TMEM272: variants seen among roughly 807,000 people sequenced by gnomAD.
TMEM272 encodes the protein transmembrane protein 272, also known as long intergenic non-protein coding RNA 282.
In TMEM272, 8 loss-of-function variants were observed where a neutral mutation model predicts 3.7. That is an observed-to-expected ratio of 2.17 (90% CI 1.27 to 3.91). The LOEUF (loss-of-function observed/expected upper bound fraction) is 3.91. Ranked by LOEUF, TMEM272 falls within the 30% of genes most tolerant of loss-of-function variation. The pLI is 0.00. For missense variants in TMEM272, 166 were observed against 91.5 expected, an observed-to-expected ratio of 1.81 and a Z score of -3.32; for synonymous variants, 63 against 39.8, an observed-to-expected ratio of 1.58 and a Z score of -2.20.
chr13:51,817,500 G>C (rs1451735915), intron 4 of TMEM272, among the ~76,000 whole-genome samples: 1 of 152,154 alleles, frequency 6.6e-6, no homozygotes, highest in Non-Finnish European at 1.5e-5. Flanking sequence ...AATGACACCT[G>C]GTCCGCATGC....
chr13:51,829,724 G>C (rs1297440796), intron 2 of TMEM272, among the ~76,000 whole-genome samples: 5 of 152,192 alleles, frequency 3.3e-5, no homozygotes, highest in African/African-American at 9.7e-5. Context: ...CAGGCAGTGA[G>C]TGACACAAAG....
chr13:51,866,946 A>C, the TMEM272 span, among the ~76,000 whole-genome samples: 129 of 152,156 alleles, frequency 8.5e-4, 1 homozygote, highest in Admixed American at 1.4e-3. Flanking sequence ...GGAGTAGTAC[A>C]TTGAATGAAT....
Position 51,816,577 on chromosome 13 carries a change from T to TTA in TMEM272, c.*172_*173dup. On this transcript the variant is annotated 3_prime_UTR_variant, in exon 5 of 5. Transcript: ENST00000629372. ...AGGCAAGAGTTTCTTTAGTCTGCTA[T>TTA]TATATTCAGTGCCTTTGGGTGGCTT... is the stretch of plus-strand genomic sequence containing the variant. 1.8e-6 allele frequency: 1 copy of TTA among 571,012 alleles called. No individual in the cohort carries two copies. Among genetic ancestry groups the TTA allele is most frequent in the Non-Finnish European group, 3.1e-6 (1 of 319,788 alleles). 35.4% of individuals were successfully genotyped at this position (571,012 alleles called of 1,614,324 possible). A position where few individuals can be genotyped will look rare whatever the true frequency, so the allele number is the denominator to read the frequency against.
At chr13:51,850,938 C>G in the TMEM272 span, among the ~76,000 whole-genome samples, 4 of 152,074 alleles carry the variant, frequency 2.6e-5, no homozygotes, top group Admixed American at 6.5e-5. Flanking sequence ...AGAATATATC[C>G]CGCTAAGGAG....
the TMEM272 span, chr13:51,908,610 T>G: frequency 6.7e-7 from 1 of 1,499,988 alleles, no homozygotes; most frequent in South Asian, 1.1e-5. Flanking sequence ...ATCAGCCACA[T>G]TTAAATTACC....
At chr13:51,866,930 C>A in the TMEM272 span, among the ~76,000 whole-genome samples, 2 of 152,154 alleles carry the variant, frequency 1.3e-5, no homozygotes, top group Non-Finnish European at 2.9e-5. Context: ...AATTAAAATA[C>A]CCTAGGGAGT....
chr13:51,926,346 C>T, the TMEM272 span, among the ~76,000 whole-genome samples: 1 of 152,152 alleles, frequency 6.6e-6, no homozygotes, highest in African/African-American at 2.4e-5. Flanking sequence ...AAGCCACCTC[C>T]AGCTCCACAG....
chr13:51,890,289 G>A, the TMEM272 span, among the ~76,000 whole-genome samples: 3 of 152,188 alleles, frequency 2.0e-5, no homozygotes, highest in Non-Finnish European at 2.9e-5. Context: ...CATCATGAGG[G>A]TGGATCCCTC....
At chr13:51,889,967 C>T in the TMEM272 span, among the ~76,000 whole-genome samples, 1 of 151,978 alleles carries the variant, frequency 6.6e-6, no homozygotes, top group Non-Finnish European at 1.5e-5. Context: ...TTGTGGCAGA[C>T]CAAGAGGATA....
chr13:51,920,843 C>T, the TMEM272 span, among the ~76,000 whole-genome samples: 1 of 152,204 alleles, frequency 6.6e-6, no homozygotes, highest in African/African-American at 2.4e-5. Context: ...GATCCCTCAC[C>T]TACAATTGCG....
At chr13:51,912,875 GAA>G in the TMEM272 span, among the ~76,000 whole-genome samples, 1 of 152,220 alleles carries the variant, frequency 6.6e-6, no homozygotes, top group Non-Finnish European at 1.5e-5. Flanking sequence ...TTAGGAATCT[GAA>G]AAGTTAGACG....
rs1379139405 is a variant in TMEM272 at position 51,816,286 on chromosome 13, T to C, written c.*465A>G. 3 of 156,666 alleles carry C rather than the reference T, an allele frequency of 1.9e-5. No homozygotes were observed. The highest frequency in any genetic ancestry group is 6.1e-5 in the Admixed American group (1 of 16,304). 9.7% of individuals were successfully genotyped at this position (156,666 alleles called of 1,614,324 possible). Reference sequence around the variant, plus strand: ...TTCCTTTTAATAACAAAAGCCATCATAGCGAGTGAAGTTAAGATATATCTT... The same window carrying C: ...TTCCTTTTAATAACAAAAGCCATCACAGCGAGTGAAGTTAAGATATATCTT... On this transcript the variant is annotated 3_prime_UTR_variant, in exon 5 of 5. Coordinates refer to ENST00000629372, the MANE Select transcript of TMEM272 (RefSeq NM_001351003.2).
At chr13:51,921,187 A>T in the TMEM272 span, 2 of 152,266 alleles carry the variant, frequency 1.3e-5, no homozygotes, top group Non-Finnish European at 2.9e-5. Context: ...CATGAGCAGT[A>T]AGGTGTGTGG....
At chr13:51,919,894 A>G in the TMEM272 span, among the ~76,000 whole-genome samples, 4 of 152,216 alleles carry the variant, frequency 2.6e-5, no homozygotes, top group Non-Finnish European at 5.9e-5. Context: ...TCTCTATGCT[A>G]TTAATGCATC....
chr13:51,865,463 C>T, the TMEM272 span: 2 of 1,614,090 alleles, frequency 1.2e-6, no homozygotes, highest in African/African-American at 1.3e-5. Context: ...CTTCCGGTCC[C>T]TGGCGGCATC....
At chr13:51,887,400 G>A in the TMEM272 span, among the ~76,000 whole-genome samples, 1 of 152,142 alleles carries the variant, frequency 6.6e-6, no homozygotes, top group South Asian at 2.1e-4. Context: ...AGAACCAAGG[G>A]AAACAGTGAT....
chr13:51,827,226 A>C (rs1375573134), intron 2 of TMEM272, among the ~76,000 whole-genome samples: 1 of 152,210 alleles, frequency 6.6e-6, no homozygotes, highest in Non-Finnish European at 1.5e-5. Flanking sequence ...TAATGCCACC[A>C]ATCCAACTTT....
chr13:51,826,263 C>T (rs895819018), intron 3 of TMEM272, among the ~76,000 whole-genome samples: 2 of 152,098 alleles, frequency 1.3e-5, no homozygotes, highest in Non-Finnish European at 2.9e-5. Flanking sequence ...TTTGGGAAAC[C>T]TCTAGCCCAG....
chr13:51,822,667 G>T (rs945496986), intron 3 of TMEM272, among the ~76,000 whole-genome samples: 7 of 152,316 alleles, frequency 4.6e-5, no homozygotes, highest in South Asian at 2.1e-4. Flanking sequence ...GTTAGTCACA[G>T]TCACCATATG....
Sources: gnomAD v4.1 joint callset for allele counts (sites outside exome capture counted in the v4.1 genomes callset) on GRCh38, gnomAD v4.1.1 for gene constraint, MANE v1.5 for transcripts, NCBI Gene and HGNC (gene_info 2026-07-23, HGNC 2026-07-21) for gene names.